CACNA2D3: variants seen among roughly 807,000 people sequenced by gnomAD.
CACNA2D3 encodes the protein calcium voltage-gated channel auxiliary subunit alpha2delta 3, also known as voltage-dependent calcium channel subunit alpha-2/delta-3.
In CACNA2D3, 60 loss-of-function variants were observed where a neutral mutation model predicts 160.6. The ratio of observed to expected loss-of-function variants is 0.37; its 90% CI spans 0.30 to 0.46. CACNA2D3 has a LOEUF of 0.46. CACNA2D3 is among the 20% of genes least tolerant of loss of function. The pLI is 1.00. For synonymous variants in CACNA2D3, 558 were observed against 492.9 expected (o/e 1.13, Z -1.75); for missense variants, 1,205 against 1,365.0 (o/e 0.88, Z 1.85).
At chr3:54,178,620 T>G (rs896765319) in intron 2 of CACNA2D3, among the ~76,000 whole-genome samples, 3 of 152,246 alleles carry the variant, frequency 2.0e-5, no homozygotes, top group Admixed American at 6.5e-5. Flanking sequence ...AATTATGAAA[T>G]TGGCTTTATG....
At chr3:54,664,243 C>T (rs1202500705) in intron 11 of CACNA2D3, among the ~76,000 whole-genome samples, 1 of 152,208 alleles carries the variant, frequency 6.6e-6, no homozygotes. Flanking sequence ...ACAACAAGGC[C>T]AGTGGTGTCC....
chr3:54,296,599 C>T (rs1445626426), intron 2 of CACNA2D3, among the ~76,000 whole-genome samples: 5 of 152,144 alleles, frequency 3.3e-5, no homozygotes, highest in East Asian at 1.9e-4. Context: ...CCTCTAATAA[C>T]GGGATGTGTA....
chr3:54,581,890 C>A lies in CACNA2D3; in HGVS notation c.963+13C>A, dbSNP rs746440922. 18 of 1,611,128 alleles carry A rather than the reference C, an allele frequency of 1.1e-5. No individual in the cohort carries two copies. Among genetic ancestry groups the A allele is most frequent in the Admixed American group, 6.7e-5 (4 of 59,820 alleles). On this transcript the variant is annotated intron_variant, in intron 9 of 37. Coordinates refer to ENST00000474759, the MANE Select transcript of CACNA2D3 (RefSeq NM_018398.3). ...GACAAACAAAGAGGTAGGGGCAGCT[C>A]GGGGGAGCATTCCAGTCATGGTACA...
chr3:55,073,660 C>A, intron 36 of CACNA2D3, 103 bp downstream of exon 36: 2 of 1,224,544 alleles, frequency 1.6e-6, no homozygotes, highest in Non-Finnish European at 2.4e-6. Flanking sequence ...AAAATTACAT[C>A]CTTTCCACTG....
At chr3:55,044,289 T>C (rs1205326755) in intron 35 of CACNA2D3, among the ~76,000 whole-genome samples, 1 of 152,180 alleles carries the variant, frequency 6.6e-6, no homozygotes, top group Non-Finnish European at 1.5e-5. Flanking sequence ...TTCATCAGTA[T>C]TCTATAGTTT....
intron 2 of CACNA2D3, among the ~76,000 whole-genome samples, chr3:54,191,014 G>A (rs934425573): frequency 7.0e-6 from 1 of 142,910 alleles, no homozygotes; most frequent in African/African-American, 2.6e-5. Context: ...CATATATGGT[G>A]TTGAATTGCT....
chr3:54,561,844 G>A (rs1702330358), intron 5 of CACNA2D3, among the ~76,000 whole-genome samples: 1 of 152,130 alleles, frequency 6.6e-6, no homozygotes, highest in African/African-American at 2.4e-5. Flanking sequence ...AAGGAAAGAG[G>A]TTTAACTGAC....
intron 14 of CACNA2D3, among the ~76,000 whole-genome samples, chr3:54,820,567 TAGCAAA>T (rs1703568339): frequency 6.6e-6 from 1 of 152,216 alleles, no homozygotes; most frequent in African/African-American, 2.4e-5. Context: ...TAAATATTCT[TAGCAAA>T]TATGGAGGTA....
At chr3:54,732,471 T>G (rs1701410752) in intron 11 of CACNA2D3, among the ~76,000 whole-genome samples, 1 of 152,204 alleles carries the variant, frequency 6.6e-6, no homozygotes, top group Admixed American at 6.5e-5. Flanking sequence ...AACTCTGGGT[T>G]AAGAATTTAA....
At chr3:54,567,182 T>G (rs1428633058) in intron 6 of CACNA2D3, among the ~76,000 whole-genome samples, 2 of 152,232 alleles carry the variant, frequency 1.3e-5, no homozygotes, top group African/African-American at 4.8e-5. Flanking sequence ...GAGCTCTTTT[T>G]AGAGAAGTGC....
chr3:54,850,477 A>G (rs1383004937), intron 17 of CACNA2D3, among the ~76,000 whole-genome samples: 5 of 152,150 alleles, frequency 3.3e-5, no homozygotes, highest in African/African-American at 4.8e-5. Context: ...TGCTTTTTAT[A>G]ATTCCTTTGT....
chr3:54,289,056 G>C (rs1703112936), intron 2 of CACNA2D3, among the ~76,000 whole-genome samples: 1 of 152,132 alleles, frequency 6.6e-6, no homozygotes, highest in African/African-American at 2.4e-5. Flanking sequence ...CATAGTGTTG[G>C]AAGTCCTGGC....
At chr3:54,318,212 G>C (rs1036125397) in intron 2 of CACNA2D3, among the ~76,000 whole-genome samples, 1 of 152,186 alleles carries the variant, frequency 6.6e-6, no homozygotes, top group Non-Finnish European at 1.5e-5. Flanking sequence ...ATGATGCCAG[G>C]AGAGAAGAGC....
At chr3:54,680,211 G>C (rs1700316953) in intron 11 of CACNA2D3, among the ~76,000 whole-genome samples, 1 of 152,144 alleles carries the variant, frequency 6.6e-6, no homozygotes, top group Non-Finnish European at 1.5e-5. Flanking sequence ...TATGTCCCTG[G>C]ATCAAATGTG....
At chr3:54,580,062 T>G (rs2106736853) in intron 8 of CACNA2D3, among the ~76,000 whole-genome samples, 1 of 152,250 alleles carries the variant, frequency 6.6e-6, no homozygotes, top group Admixed American at 6.5e-5. Context: ...GAGGTCAGAC[T>G]GCCTGAATTT....
At chr3:54,528,269 T>A (rs114363014) in intron 5 of CACNA2D3, among the ~76,000 whole-genome samples, 14 of 150,550 alleles carry the variant, frequency 9.3e-5, no homozygotes, top group Non-Finnish European at 5.9e-5. Context: ...ACTTAACAGA[T>A]AAAAAAAAAA....
chr3:54,511,980 A>G (rs1341282628), intron 5 of CACNA2D3, among the ~76,000 whole-genome samples: 1 of 152,206 alleles, frequency 6.6e-6, no homozygotes, highest in African/African-American at 2.4e-5. Context: ...GCAGTCAAGT[A>G]TGTTCCAGTG....
intron 4 of CACNA2D3, among the ~76,000 whole-genome samples, chr3:54,467,469 A>G (rs1165842643): frequency 3.9e-5 from 6 of 152,234 alleles, no homozygotes; most frequent in South Asian, 2.1e-4. Flanking sequence ...TCTTAGCTTG[A>G]TTGAGACTTG....
chr3:54,148,564 G>A (rs1445326720), intron 2 of CACNA2D3, among the ~76,000 whole-genome samples: 1 of 152,190 alleles, frequency 6.6e-6, no homozygotes, highest in Non-Finnish European at 1.5e-5. Flanking sequence ...AAGCGAAAAA[G>A]GAGGTGGAGT....
Sources: allele counts gnomAD v4.1 joint callset (sites outside exome capture counted in the v4.1 genomes callset), GRCh38; gene constraint gnomAD v4.1.1; transcripts MANE v1.5; gene names NCBI Gene and HGNC (gene_info 2026-07-23, HGNC 2026-07-21).